ZFHX3: variants seen among roughly 807,000 people sequenced by gnomAD.
ZFHX3 encodes the protein zinc finger homeobox 3.
Under a neutral mutation model 279.1 loss-of-function variants are expected in ZFHX3, and 42 were observed. The observed-to-expected ratio is 0.15, with a 90% confidence interval of 0.12 to 0.19. The LOEUF is 0.19. ZFHX3 is among the 10% of genes least tolerant of loss of function. The pLI, the probability that ZFHX3 is intolerant of heterozygous loss-of-function variation, is 1.00. For synonymous variants in ZFHX3, 2,293 were observed against 1,957.8 expected, an observed-to-expected ratio of 1.17 and a Z score of -4.52; for missense variants, 4,981 against 4,754.0, an observed-to-expected ratio of 1.05 and a Z score of -1.40.
At position 73,546,662 on chromosome 16, in the gene ZFHX3, GTGCTGCTGTTGCTGC is replaced by G. The variant is rs1286401468; in HGVS notation, c.-1546-90419_-1546-90405del. 8.3e-5 allele frequency among the ~76,000 whole-genome samples: 12 copies of G among 145,454 alleles called. No homozygotes were observed. The East Asian group carries it at 1.3e-3, about 15-fold the overall frequency. On this transcript the variant is annotated intron_variant, in intron 2 of 17. Coordinates refer to the ZFHX3 transcript ENST00000641206. ...GCCATGGTGTGAGAAAAAGCTTTGGGTGCTGCTGTTGCTGCTGCTGCTGCTGCTGCTGCTGCTGCT... is the reference window on the plus strand; with the variant it reads ...GCCATGGTGTGAGAAAAAGCTTTGGGTGCTGCTGCTGCTGCTGCTGCTGCT...
At chr16:72,867,617 A>G (rs2038053170) in intron 4 of ZFHX3, among the ~76,000 whole-genome samples, 1 of 152,068 alleles carries the variant, frequency 6.6e-6, no homozygotes, top group Non-Finnish European at 1.5e-5. Flanking sequence ...TGTAATCCAC[A>G]TTTATTTTGA....
At position 72,783,719 on chromosome 16, in the gene ZFHX3, A is replaced by G. The variant is rs1727646892; in HGVS notation, c.*3445T>C. On this transcript the variant is annotated 3_prime_UTR_variant, in exon 10 of 10. Transcript: ENST00000268489. Reference sequence around the variant, plus strand: ...CTGGTGTCTAGCACCAACCCACACTATAGGGAGAAAACCAAAAAACGAGTG... The same window carrying G: ...CTGGTGTCTAGCACCAACCCACACTGTAGGGAGAAAACCAAAAAACGAGTG... The G allele has an allele frequency of 6.6e-6, 1 of 152,208 alleles. No homozygotes were observed. Among genetic ancestry groups the G allele is most frequent in the African/African-American group, 2.4e-5 (1 of 41,466 alleles). 9.4% of individuals were successfully genotyped at this position (152,208 alleles called of 1,614,324 possible). A position where few individuals can be genotyped will look rare whatever the true frequency, so the allele number is the denominator to read the frequency against.
intron 5 of ZFHX3, chr16:72,822,061 C>T (rs2086722843): frequency 1.3e-5 from 2 of 152,166 alleles, no homozygotes; most frequent in Admixed American, 1.3e-4. Context: ...ATGAAACAAT[C>T]CTATTAACCC....
intron 1 of ZFHX3, among the ~76,000 whole-genome samples, chr16:73,683,483 C>T (rs1272174971): frequency 2.0e-5 from 3 of 152,110 alleles, no homozygotes; most frequent in African/African-American, 4.8e-5. Context: ...GATAATTTTC[C>T]AACCCTCTAT....
chr16:73,839,366 A>AAAAAAAAAT (rs1961238431), intron 1 of ZFHX3, among the ~76,000 whole-genome samples: 1 of 133,892 alleles, frequency 7.5e-6, no homozygotes. Flanking sequence ...AAAAAAAAAA[A>AAAAAAAAAT]GTTAGGTCTG....
chr16:73,311,068 AC>A (rs2015313408), intron 4 of ZFHX3, among the ~76,000 whole-genome samples: 1 of 151,432 alleles, frequency 6.6e-6, no homozygotes, highest in Non-Finnish European at 1.5e-5. Flanking sequence ...CCCTGTCTTT[AC>A]TAAAAATACA....
chr16:72,951,861 C>T (rs1961016221), intron 2 of ZFHX3, among the ~76,000 whole-genome samples: 1 of 152,162 alleles, frequency 6.6e-6, no homozygotes, highest in South Asian at 2.1e-4. Context: ...ATGGGTAGTG[C>T]AACTACGGAA....
At chr16:72,961,665 A>G (rs967672915) in intron 1 of ZFHX3, among the ~76,000 whole-genome samples, 2 of 151,578 alleles carry the variant, frequency 1.3e-5, no homozygotes, top group African/African-American at 4.8e-5. Flanking sequence ...TTGACTGCAC[A>G]ATGAGACAAC....
chr16:73,172,966 C>T (rs1409845396), intron 5 of ZFHX3, among the ~76,000 whole-genome samples: 1 of 129,364 alleles, frequency 7.7e-6, no homozygotes, highest in African/African-American at 2.9e-5. Flanking sequence ...TCTTTCTCCC[C>T]CTGCTGTTTC....
intron 3 of ZFHX3, among the ~76,000 whole-genome samples, chr16:72,940,301 T>C (rs560967146): frequency 6.6e-6 from 1 of 152,034 alleles, no homozygotes; most frequent in East Asian, 1.9e-4. Flanking sequence ...TCCACAAATG[T>C]TGTTGACCCA....
chr16:72,794,021 T>C lies in ZFHX3; in HGVS notation c.8661A>G (p.Glu2887=), dbSNP rs2143392475. The change falls in exon 9 of 10, where the codon GAA becomes GAG. Residue 2887 remains glutamate (E), a synonymous_variant. Transcript: ENST00000268489. This position sits in a 1 kb window ranked among gnomAD's most constrained non-coding sequence, Gnocchi z 4.2. ...KAAMMAMSEY[E]DRLSSGLVSP... is the part of the protein sequence containing the mutation. ...TGACCAGACCAGATGACAACCGATC[T>C]TCATACTCAGACATTGCCATCATGG... 1 of 1,614,212 alleles carries C rather than the reference T, an allele frequency of 6.2e-7. No homozygotes were observed. The highest frequency in any genetic ancestry group is 2.2e-5 in the East Asian group (1 of 44,878).
chr16:73,529,689 C>T (rs4887838), intron 2 of ZFHX3, among the ~76,000 whole-genome samples: 8,853 of 152,264 alleles, frequency 0.058, 286 homozygotes, highest in Admixed American at 0.084. Context: ...GTCAATGGCA[C>T]TGTAAATTTA....
intron 3 of ZFHX3, among the ~76,000 whole-genome samples, chr16:72,900,436 A>G (rs2039007411): frequency 6.6e-6 from 1 of 152,236 alleles, no homozygotes; most frequent in Non-Finnish European, 1.5e-5. Flanking sequence ...GAGATATTTT[A>G]CTTGCCCTGT....
chr16:72,950,002 T>C (rs1169046728), intron 3 of ZFHX3, among the ~76,000 whole-genome samples: 1 of 133,462 alleles, frequency 7.5e-6, no homozygotes, highest in Non-Finnish European at 1.5e-5. Flanking sequence ...CCAGTGTACA[T>C]ATGTTGGTGG....
chr16:73,789,305 A>C (rs1017957276), intron 1 of ZFHX3, among the ~76,000 whole-genome samples: 1 of 151,834 alleles, frequency 6.6e-6, no homozygotes, highest in Non-Finnish European at 1.5e-5. Flanking sequence ...CTCAGCCTCC[A>C]GAGTAGCTGG....
At chr16:73,207,106 G>A (rs935075683) in intron 5 of ZFHX3, among the ~76,000 whole-genome samples, 1 of 143,720 alleles carries the variant, frequency 7.0e-6, no homozygotes, top group African/African-American at 3.0e-5. Flanking sequence ...TATGCAGAAT[G>A]GTAACAAGGG....
intron 1 of ZFHX3, among the ~76,000 whole-genome samples, chr16:73,782,827 C>A (rs982610202): frequency 1.9e-4 from 29 of 151,888 alleles, no homozygotes; most frequent in Middle Eastern, 3.4e-3. Flanking sequence ...AGACCCTTAT[C>A]CAACACTGAG....
chr16:73,601,995 G>A (rs145799586), intron 2 of ZFHX3, among the ~76,000 whole-genome samples: 3,921 of 152,208 alleles, frequency 0.026, 172 homozygotes, highest in Admixed American at 0.11. Flanking sequence ...GGCCAGGTGC[G>A]GTGGCATATG....
intron 2 of ZFHX3, among the ~76,000 whole-genome samples, chr16:73,534,042 T>C (rs1293345118): frequency 1.3e-5 from 2 of 152,196 alleles, no homozygotes; most frequent in Non-Finnish European, 2.9e-5. Flanking sequence ...GTTACTCCTC[T>C]GCTCAAGGTC....
Sources: allele counts gnomAD v4.1 joint callset (sites outside exome capture counted in the v4.1 genomes callset), GRCh38; gene constraint gnomAD v4.1.1; non-coding constraint Gnocchi (gnomAD v3.1); transcripts MANE v1.5; gene names NCBI Gene and HGNC (gene_info 2026-07-23, HGNC 2026-07-21).